Variants in TBC1D22A observed in about 807,000 individuals in gnomAD.
TBC1D22A encodes the protein putative GTPase activator.
Under a neutral mutation model 60.2 loss-of-function variants are expected in TBC1D22A, and 38 were observed. The ratio of observed to expected loss-of-function variants is 0.63; its 90% CI spans 0.49 to 0.83. The LOEUF (loss-of-function observed/expected upper bound fraction) is 0.83, where lower values mean the gene tolerates loss of function less well. TBC1D22A is among the 40% of genes least tolerant of loss of function. The pLI, the probability that TBC1D22A is intolerant of heterozygous loss-of-function variation, is 0.00. For missense variants in TBC1D22A, 628 were observed against 701.0 expected, an observed-to-expected ratio of 0.90 and a Z score of 1.18; for synonymous variants, 302 against 281.7, an observed-to-expected ratio of 1.07 and a Z score of -0.72.
chr22:46,838,781 A>T (rs2086628812), intron 4 of TBC1D22A, among the ~76,000 whole-genome samples: 1 of 152,234 alleles, frequency 6.6e-6, no homozygotes, highest in South Asian at 2.1e-4. Flanking sequence ...AATATGTATC[A>T]CATTAATAGA....
intron 9 of TBC1D22A, among the ~76,000 whole-genome samples, chr22:46,978,425 A>T (rs1310080730): frequency 6.6e-6 from 1 of 152,228 alleles, no homozygotes; most frequent in Non-Finnish European, 1.5e-5. Context: ...TCGAAACAAA[A>T]ATGTTTAGTG....
chr22:47,150,925 C>T (rs1166880356), intron 12 of TBC1D22A, among the ~76,000 whole-genome samples: 2 of 152,210 alleles, frequency 1.3e-5, no homozygotes, highest in Non-Finnish European at 2.9e-5. Context: ...CCTCACGTGG[C>T]GTGCATGTGG....
At chr22:47,114,747 G>C (rs915599264) in intron 12 of TBC1D22A, among the ~76,000 whole-genome samples, 10 of 152,254 alleles carry the variant, frequency 6.6e-5, no homozygotes, top group South Asian at 2.1e-4. Flanking sequence ...GTGGCTTTAA[G>C]TCATTTTTCC....
At chr22:47,163,739 C>T (rs1006570965) in intron 12 of TBC1D22A, among the ~76,000 whole-genome samples, 3 of 152,196 alleles carry the variant, frequency 2.0e-5, no homozygotes, top group Non-Finnish European at 4.4e-5. Context: ...CTACCAGTGC[C>T]TGCATGCAGC....
At chr22:46,790,545 GT>G (rs373094554) in intron 1 of TBC1D22A, among the ~76,000 whole-genome samples, 3 of 151,434 alleles carry the variant, frequency 2.0e-5, no homozygotes, top group East Asian at 1.9e-4. Flanking sequence ...TGTTTACAAG[GT>G]TTTTTTTTAC....
At chr22:46,853,497 C>T (rs1032551211) in intron 4 of TBC1D22A, among the ~76,000 whole-genome samples, 5 of 152,140 alleles carry the variant, frequency 3.3e-5, no homozygotes, top group African/African-American at 1.2e-4. Context: ...CGGGGGCTTC[C>T]TCCAGCCTCC....
chr22:47,103,612 A>G (rs564486926), intron 11 of TBC1D22A, among the ~76,000 whole-genome samples: 156 of 152,336 alleles, frequency 1.0e-3, no homozygotes, highest in Non-Finnish European at 1.4e-3. Context: ...TCCTAGTTAC[A>G]GTGCAGAGAG....
intron 1 of TBC1D22A, among the ~76,000 whole-genome samples, chr22:46,790,762 G>C (rs1049328903): frequency 2.0e-5 from 3 of 152,190 alleles, no homozygotes; most frequent in African/African-American, 4.8e-5. Context: ...CTGCTGGTGG[G>C]ATATGAACCA....
chr22:46,977,794 C>T (rs2074360439), intron 9 of TBC1D22A, among the ~76,000 whole-genome samples: 1 of 152,094 alleles, frequency 6.6e-6, no homozygotes, highest in Non-Finnish European at 1.5e-5. Context: ...GGGGAGGTGC[C>T]ACACACTTTT....
intron 12 of TBC1D22A, among the ~76,000 whole-genome samples, chr22:47,155,894 TAGAA>T (rs1164057439): frequency 6.6e-6 from 1 of 152,246 alleles, no homozygotes; most frequent in Non-Finnish European, 1.5e-5. Flanking sequence ...TTGAGTGTGA[TAGAA>T]AGGTTAAAAA....
intron 12 of TBC1D22A, among the ~76,000 whole-genome samples, chr22:47,142,943 A>G (rs1402462747): frequency 6.6e-6 from 1 of 150,532 alleles, no homozygotes; most frequent in Non-Finnish European, 1.5e-5. Context: ...CTCTCAGTCA[A>G]GCACTGTGGA....
In TBC1D22A at chr22:46,792,994, G is replaced by A. The variant is rs1188931048; in HGVS notation, c.119+418G>A. Among the ~76,000 whole-genome samples, 3 of 152,280 alleles carry A rather than the reference G, an allele frequency of 2.0e-5. No individual in the cohort carries two copies. In the South Asian group the frequency reaches 6.2e-4, roughly 31 times the overall value. On this transcript the variant is annotated intron_variant, in intron 2 of 12. Coordinates refer to ENST00000337137, the MANE Select transcript of TBC1D22A (RefSeq NM_014346.5). ...GAGCGCAGAGTGTGGGGCTTGTGCTGGGCTGTTGTGACCCTGCAGGACTGC... is the reference window on the plus strand; with the variant it reads ...GAGCGCAGAGTGTGGGGCTTGTGCTAGGCTGTTGTGACCCTGCAGGACTGC...
chr22:46,839,747 A>G (rs1330636408), intron 4 of TBC1D22A, among the ~76,000 whole-genome samples: 2 of 152,226 alleles, frequency 1.3e-5, no homozygotes, highest in Non-Finnish European at 1.5e-5. Flanking sequence ...AAAAACTGAC[A>G]TATAGACCAA....
intron 3 of TBC1D22A, among the ~76,000 whole-genome samples, chr22:46,796,231 CTT>C (rs1442709646): frequency 1.3e-5 from 2 of 152,160 alleles, no homozygotes; most frequent in Non-Finnish European, 2.9e-5. Context: ...CTTTAGCAGA[CTT>C]TTCTGGAAAT....
intron 8 of TBC1D22A, among the ~76,000 whole-genome samples, chr22:46,941,862 G>T (rs2072172527): frequency 6.8e-6 from 1 of 146,098 alleles, no homozygotes; most frequent in Non-Finnish European, 1.5e-5. Context: ...AATATGTATA[G>T]AATATATGTG....
At chr22:47,076,009 A>G (rs2064190169) in intron 11 of TBC1D22A, among the ~76,000 whole-genome samples, 1 of 152,178 alleles carries the variant, frequency 6.6e-6, no homozygotes, top group Non-Finnish European at 1.5e-5. Context: ...TTCTGAACGT[A>G]TATGCACCTA....
At chr22:46,905,439 G>A (rs1394421326) in intron 7 of TBC1D22A, among the ~76,000 whole-genome samples, 2 of 152,214 alleles carry the variant, frequency 1.3e-5, no homozygotes, top group Non-Finnish European at 2.9e-5. Context: ...AGCCTTTCAT[G>A]AGCAAGTTGG....
At chr22:46,977,103 A>G (rs573931978) in intron 9 of TBC1D22A, among the ~76,000 whole-genome samples, 1 of 152,334 alleles carries the variant, frequency 6.6e-6, no homozygotes, top group South Asian at 2.1e-4. Context: ...CCCATTGCCC[A>G]GGTGACGTGG....
chr22:47,056,918 C>T (rs1413028970), intron 11 of TBC1D22A, among the ~76,000 whole-genome samples: 2 of 152,156 alleles, frequency 1.3e-5, no homozygotes, highest in Non-Finnish European at 2.9e-5. Flanking sequence ...GGGTGTCTGA[C>T]ATGGGAGGTG....
Sources: gnomAD v4.1 joint callset for allele counts (sites outside exome capture counted in the v4.1 genomes callset) on GRCh38, gnomAD v4.1.1 for gene constraint, MANE v1.5 for transcripts, NCBI Gene and HGNC (gene_info 2026-07-23, HGNC 2026-07-21) for gene names.